Variants in OSTF1 observed in about 807,000 individuals in gnomAD.
OSTF1 encodes osteoclast-stimulating factor 1.
A neutral mutation model predicts 37.2 loss-of-function variants in OSTF1; 27 were observed. That is an observed-to-expected ratio of 0.73 (90% CI 0.54 to 1.00). The LOEUF is 1.00. Among genes scored for constraint, OSTF1 ranks in the 50% least tolerant of loss-of-function variants. OSTF1 has a pLI of 0.00. For synonymous variants in OSTF1, 82 were observed against 89.2 expected (o/e 0.92, Z 0.46); for missense variants, 232 against 253.8 (o/e 0.91, Z 0.58).
intron 1 of OSTF1, among the ~76,000 whole-genome samples, chr9:75,096,762 T>G (rs1193049618): frequency 1.3e-5 from 2 of 152,176 alleles, no homozygotes; most frequent in Non-Finnish European, 2.9e-5. Flanking sequence ...GCTTCCAAAC[T>G]TTAGCTCGCT....
chr9:75,139,806 T>A (rs1404463458), intron 8 of OSTF1, among the ~76,000 whole-genome samples: 3 of 152,190 alleles, frequency 2.0e-5, no homozygotes, highest in African/African-American at 7.2e-5. Flanking sequence ...CAGAGGATCA[T>A]TAGAGACTAG....
chr9:75,113,395 A>T (rs570371007), intron 1 of OSTF1, among the ~76,000 whole-genome samples: 3 of 150,492 alleles, frequency 2.0e-5, no homozygotes, highest in African/African-American at 7.3e-5. Context: ...TTGTGTGTAG[A>T]TTATATTCTA....
chr9:75,094,347 A>G (rs568339476), intron 1 of OSTF1, among the ~76,000 whole-genome samples: 1 of 151,730 alleles, frequency 6.6e-6, no homozygotes, highest in East Asian at 1.9e-4. Context: ...ATAATGTAAA[A>G]CGCTTTGATA....
At chr9:75,122,669 G>A (rs1016686033) in intron 2 of OSTF1, among the ~76,000 whole-genome samples, 4 of 152,130 alleles carry the variant, frequency 2.6e-5, no homozygotes, top group Admixed American at 2.0e-4. Context: ...TCAAGTCCAG[G>A]TTCTACCATG....
At chr9:75,089,847 C>G (rs549666161) in intron 1 of OSTF1, among the ~76,000 whole-genome samples, 1 of 152,258 alleles carries the variant, frequency 6.6e-6, no homozygotes, top group South Asian at 2.1e-4. Flanking sequence ...TCATACTTAT[C>G]TAGTTTTGTT....
At chr9:75,142,647 T>C (rs1381072547) in intron 9 of OSTF1, among the ~76,000 whole-genome samples, 1 of 152,186 alleles carries the variant, frequency 6.6e-6, no homozygotes, top group Non-Finnish European at 1.5e-5. Flanking sequence ...AGGCAGGTAC[T>C]CTTTTCTCTG....
chr9:75,090,753 G>A (rs965780463), intron 1 of OSTF1, among the ~76,000 whole-genome samples: 3 of 152,018 alleles, frequency 2.0e-5, no homozygotes, highest in African/African-American at 7.2e-5. Context: ...TGGGAGGATT[G>A]CTTGAGGCTA....
At chr9:75,130,745 T>C (rs1353667715) in intron 4 of OSTF1, 104 bp downstream of exon 4, 1 of 754,130 alleles carries the variant, frequency 1.3e-6, no homozygotes, top group African/African-American at 1.7e-5. Context: ...AATGGAGTCA[T>C]TGTCAGTCTA....
At chr9:75,094,608 CAG>C (rs1825039946) in intron 1 of OSTF1, among the ~76,000 whole-genome samples, 1 of 152,032 alleles carries the variant, frequency 6.6e-6, no homozygotes, top group South Asian at 2.1e-4. Context: ...CAGGGCATAA[CAG>C]AACCCATTGC....
intron 2 of OSTF1, among the ~76,000 whole-genome samples, chr9:75,123,636 A>G (rs1227216358): frequency 6.6e-6 from 1 of 152,238 alleles, no homozygotes; most frequent in Non-Finnish European, 1.5e-5. Flanking sequence ...TGTTAAAATA[A>G]TGAAATTACC....
chr9:75,146,793 A>G lies in OSTF1; in HGVS notation c.*52A>G, dbSNP rs1447415082. On this transcript the variant is annotated 3_prime_UTR_variant, in exon 10 of 10. Coordinates refer to ENST00000346234, the MANE Select transcript of OSTF1 (RefSeq NM_012383.5). ...AACTTCTGTTGCTTTTGCCATTCCAAAACTTTGTCTTTGCCAGAAAAGTGT... is the reference window on the plus strand; with the variant it reads ...AACTTCTGTTGCTTTTGCCATTCCAGAACTTTGTCTTTGCCAGAAAAGTGT... 1 of 1,362,222 alleles carries G rather than the reference A, an allele frequency of 7.3e-7. No individual in the cohort carries two copies. 84.4% of individuals were successfully genotyped at this position (1,362,222 alleles called of 1,614,324 possible).
intron 6 of OSTF1, among the ~76,000 whole-genome samples, chr9:75,133,922 G>A (rs893377021): frequency 1.3e-5 from 2 of 152,022 alleles, no homozygotes; most frequent in Non-Finnish European, 2.9e-5. Flanking sequence ...ATCACCCACC[G>A]CTTTTCTACC....
At position 75,140,930 on chromosome 9, in the gene OSTF1, C is replaced by G. The variant is rs1016192673; in HGVS notation, c.584C>G (p.Thr195Arg). 8.1e-6 allele frequency: 13 copies of G among 1,602,962 alleles called. No homozygotes were observed. The highest frequency in any genetic ancestry group is 1.3e-5 in the African/African-American group (1 of 74,660). Residue 195 changes from threonine to arginine, a missense_variant and splice_region_variant, in exon 9 of 10, where the codon ACA (threonine) becomes AGA (arginine). Coordinates refer to ENST00000346234, the MANE Select transcript of OSTF1 (RefSeq NM_012383.5). ...CASLLKKKQG[T>R]DAVRTLSNAE... ...TCTCTCCTGAAAAAGAAACAGGGAACAGGTATTTGTTTTAAATTCTTCTTT... is the reference window on the plus strand; with the variant it reads ...TCTCTCCTGAAAAAGAAACAGGGAAGAGGTATTTGTTTTAAATTCTTCTTT...
At chr9:75,134,754 A>G (rs943523380) in intron 7 of OSTF1, among the ~76,000 whole-genome samples, 1 of 152,156 alleles carries the variant, frequency 6.6e-6, no homozygotes, top group Admixed American at 6.5e-5. Context: ...CCCCAGCACC[A>G]AGCCTGTTCT....
intron 5 of OSTF1, among the ~76,000 whole-genome samples, chr9:75,132,992 CA>C (rs1564167155): frequency 2.7e-4 from 24 of 89,424 alleles, no homozygotes; most frequent in African/African-American, 9.0e-4. Flanking sequence ...CACACACACA[CA>C]CACACACACA....
chr9:75,138,280 A>T (rs553985205), intron 8 of OSTF1, among the ~76,000 whole-genome samples: 2 of 152,312 alleles, frequency 1.3e-5, no homozygotes, highest in African/African-American at 4.8e-5. Context: ...TACCCTCATT[A>T]GGGATCCTCA....
intron 2 of OSTF1, among the ~76,000 whole-genome samples, chr9:75,118,693 T>C (rs142238108): frequency 1.9e-4 from 29 of 152,270 alleles, no homozygotes; most frequent in African/African-American, 6.7e-4. Flanking sequence ...GCGAAAGGCA[T>C]GTCTTACATG....
intron 1 of OSTF1, among the ~76,000 whole-genome samples, chr9:75,104,361 A>G (rs1825248981): frequency 6.6e-6 from 1 of 152,198 alleles, no homozygotes; most frequent in Non-Finnish European, 1.5e-5. Flanking sequence ...CCTGGGTAAC[A>G]GCAAGACCCT....
intron 4 of OSTF1, 95 bp downstream of exon 4, chr9:75,130,736 A>G: frequency 6.3e-6 from 5 of 792,940 alleles, no homozygotes; most frequent in South Asian, 1.4e-5. Flanking sequence ...TGAGAAAGCA[A>G]TGGAGTCATT....
Sources: allele counts gnomAD v4.1 joint callset (sites outside exome capture counted in the v4.1 genomes callset), GRCh38; gene constraint gnomAD v4.1.1; transcripts MANE v1.5; gene names NCBI Gene and HGNC (gene_info 2026-07-23, HGNC 2026-07-21).